DPYSL2: variants seen among roughly 807,000 people sequenced by gnomAD.
DPYSL2 encodes dihydropyrimidinase like 2.
Under a neutral mutation model 69.9 loss-of-function variants are expected in DPYSL2, and 13 were observed. The observed-to-expected ratio is 0.19, with a 90% CI of 0.12 to 0.30. DPYSL2 has a LOEUF of 0.30. DPYSL2 is among the 10% of genes least tolerant of loss of function. DPYSL2 has a pLI of 1.00. For missense variants in DPYSL2, 587 were observed against 918.9 expected (o/e 0.64, Z 4.67); for synonymous variants, 326 against 359.1 (o/e 0.91, Z 1.04).
chr8:26,573,504 TA>T lies in DPYSL2; in HGVS notation c.355-8459del, dbSNP rs529420013. On this transcript the variant is annotated intron_variant, in intron 1 of 13. Transcript: ENST00000521913. The stretch of plus-strand genomic sequence containing the variant: ...AAACACGGTGAAACCCTGTCTCTAC[TA>T]AAAAATACAAAAAATTAGCTGGGCG... Among the ~76,000 whole-genome samples, 18 of 151,670 alleles carry T rather than the reference TA, an allele frequency of 1.2e-4. No individual in the cohort carries two copies. The South Asian group carries it at 3.5e-3, about 30-fold the overall frequency.
At position 26,641,993 on chromosome 8, in the gene DPYSL2, G is replaced by A. The variant is rs188943064; in HGVS notation, c.1127-1446G>A. Among the ~76,000 whole-genome samples, 1 of 152,316 alleles carries A rather than the reference G, an allele frequency of 6.6e-6. No individual in the cohort carries two copies. Among genetic ancestry groups the A allele is most frequent in the Non-Finnish European group, 1.5e-5 (1 of 68,030 alleles). On this transcript the variant is annotated intron_variant, in intron 8 of 13. Transcript: ENST00000521913. The surrounding 1 kb of genome is among the most constrained non-coding windows in gnomAD (Gnocchi z 4.1). ...AGGAAAACACATTCCTGACTGTGGT[G>A]TGTTTGCCCTTGAGGGCCCTGTGTT...
intron 1 of DPYSL2, among the ~76,000 whole-genome samples, chr8:26,554,123 C>T (rs532494736): frequency 1.3e-4 from 20 of 152,066 alleles, no homozygotes; most frequent in Admixed American, 6.6e-4. Context: ...CTCCTGACCT[C>T]GTGATCCACC....
intron 3 of DPYSL2, 184 bp from the exon 4 acceptor site, chr8:26,623,959 C>T: frequency 1.6e-6 from 1 of 629,860 alleles, no homozygotes; most frequent in Non-Finnish European, 2.7e-6. Context: ...CAAGTTTCTG[C>T]TTTCTGCTTT....
At position 26,655,839 on chromosome 8, in the gene DPYSL2, C is replaced by T. The variant is rs992904077; in HGVS notation, c.*133C>T. ...CCTGTGATAGTTACTGTGGAGCAGC[C>T]AGTTCATGGGGTCCCCCTTGGGGCC... On this transcript the variant is annotated 3_prime_UTR_variant, in exon 14 of 14. Transcript: ENST00000521913. 19 of 897,444 alleles carry T rather than the reference C, an allele frequency of 2.1e-5. No homozygotes were observed. The highest frequency in any genetic ancestry group is 2.4e-5 in the Non-Finnish European group (15 of 635,158). 55.6% of individuals were successfully genotyped at this position (897,444 alleles called of 1,614,324 possible).
At chr8:26,515,542 G>A (rs1018603712) in intron 1 of DPYSL2, among the ~76,000 whole-genome samples, 6 of 152,178 alleles carry the variant, frequency 3.9e-5, no homozygotes, top group African/African-American at 1.4e-4. Context: ...GGGAAACAAA[G>A]GCCAATTTGG....
chr8:26,556,967 G>A (rs1453977040), intron 1 of DPYSL2, among the ~76,000 whole-genome samples: 1 of 152,124 alleles, frequency 6.6e-6, no homozygotes, highest in Non-Finnish European at 1.5e-5. Flanking sequence ...GGACAATTCA[G>A]TGTTGAAAAT....
Position 26,624,143 on chromosome 8 carries a change from T to C in DPYSL2, c.629T>C (p.Ile210Thr), listed in dbSNP as rs1483669075. Residue 210 changes from isoleucine to threonine, a missense_variant and splice_region_variant, in exon 4 of 14, where the codon ATT (isoleucine) becomes ACT (threonine). This residue lies in a region of DPYSL2 where 452 missense variants were observed against 754.3 expected (regional missense o/e 0.60). Transcript: ENST00000521913. The surrounding 1 kb of genome is among the most constrained non-coding windows in gnomAD (Gnocchi z 4.7). ...ATGACATATGTCTGTTTCTTTCTAG[T>C]TGACCACGTTGTTCCTGAGCCTGGG... ...AALAGGTTMI[I>T]DHVVPEPGTS... The C allele has an allele frequency of 1.2e-6, 2 of 1,614,064 alleles. No homozygotes were observed. The highest frequency in any genetic ancestry group is 1.3e-5 in the African/African-American group (1 of 74,924).
chr8:26,634,470 C>T (rs893207883), intron 7 of DPYSL2, among the ~76,000 whole-genome samples: 6 of 127,056 alleles, frequency 4.7e-5, no homozygotes, highest in African/African-American at 8.6e-5. Context: ...GTAGTAGATA[C>T]GGAGTTTCAC....
rs1801597059 is a variant in DPYSL2, at chr8:26,586,150, T to TTGA, written c.628+2167_628+2168insTGA. 6.6e-6 allele frequency among the ~76,000 whole-genome samples: 1 copy of TTGA among 152,164 alleles called. No individual in the cohort carries two copies. The highest frequency in any genetic ancestry group is 2.1e-4 in the South Asian group (1 of 4,834). On this transcript the variant is annotated intron_variant, in intron 3 of 13. Coordinates refer to ENST00000521913, the MANE Select transcript of DPYSL2 (RefSeq NM_001197293.3). The surrounding 1 kb of genome is among the most constrained non-coding windows in gnomAD (Gnocchi z 4.7). ...TCTCGAGTGAATGGTCAGTGTCATC[T>TTGA]ATCATTGGAGAGGGAAATGCCCCCA... is the stretch of plus-strand genomic sequence containing the variant.
At chr8:26,541,401 T>G (rs1459446659) in intron 1 of DPYSL2, among the ~76,000 whole-genome samples, 2 of 152,208 alleles carry the variant, frequency 1.3e-5, no homozygotes, top group Non-Finnish European at 1.5e-5. Context: ...CATTTACTTG[T>G]CATGTCTTTT....
intron 1 of DPYSL2, among the ~76,000 whole-genome samples, chr8:26,522,895 A>G (rs556723481): frequency 1.9e-4 from 29 of 152,070 alleles, no homozygotes; most frequent in Non-Finnish European, 3.8e-4. Context: ...TTGGTATTAT[A>G]CTATCCCCGG....
intron 7 of DPYSL2, among the ~76,000 whole-genome samples, chr8:26,632,671 T>G (rs1036846701): frequency 6.6e-6 from 1 of 152,156 alleles, no homozygotes; most frequent in Non-Finnish European, 1.5e-5. Context: ...AAACCCCGTG[T>G]TGGGACAATA....
intron 1 of DPYSL2, among the ~76,000 whole-genome samples, chr8:26,576,901 C>A (rs1314018156): frequency 6.6e-6 from 1 of 152,224 alleles, no homozygotes; most frequent in Non-Finnish European, 1.5e-5. Context: ...GCGCTGCAGG[C>A]ACCAGCGAAA....
rs1808312214 is a variant in DPYSL2, at chr8:26,517,543, A to G, written c.354+2864A>G. Reference sequence around the variant, plus strand: ...CTCTTGGAAGAGAGAGAAGAAAGGCATCTCTGTTGGCCCAATCCCCCCTTG... The same window carrying G: ...CTCTTGGAAGAGAGAGAAGAAAGGCGTCTCTGTTGGCCCAATCCCCCCTTG... On this transcript the variant is annotated intron_variant, in intron 1 of 13. Coordinates refer to ENST00000521913, the MANE Select transcript of DPYSL2 (RefSeq NM_001197293.3). The surrounding 1 kb of genome is among the most constrained non-coding windows in gnomAD (Gnocchi z 4.2). Among the ~76,000 whole-genome samples, 1 of 152,162 alleles carries G rather than the reference A, an allele frequency of 6.6e-6. No homozygotes were observed. The highest frequency in any genetic ancestry group is 1.5e-5 in the Non-Finnish European group (1 of 68,028).
At chr8:26,557,932 A>G (rs1166444186) in intron 1 of DPYSL2, among the ~76,000 whole-genome samples, 5 of 151,926 alleles carry the variant, frequency 3.3e-5, no homozygotes, top group Admixed American at 3.3e-4. Context: ...GTCGCTCTAC[A>G]TCCTAACACC....
chr8:26,537,725 A>G (rs536852202), intron 1 of DPYSL2, among the ~76,000 whole-genome samples: 104 of 152,210 alleles, frequency 6.8e-4, no homozygotes, highest in Non-Finnish European at 1.3e-3. Flanking sequence ...AAAAGACAAG[A>G]TTACTTTTCT....
intron 1 of DPYSL2, among the ~76,000 whole-genome samples, chr8:26,545,549 C>T (rs935817758): frequency 2.6e-5 from 4 of 152,110 alleles, no homozygotes; most frequent in Admixed American, 6.6e-5. Context: ...GCCTGGCTAA[C>T]GTGGTCTGGA....
In DPYSL2 at chr8:26,591,914, T is replaced by C. The variant is rs1801737298; in HGVS notation, c.628+7931T>C. ...GTCCTGGTGTAGCCTCCGTGTTGAG[T>C]TGTAGGGGAAAGGGTGTTTAGTAAG... On this transcript the variant is annotated intron_variant, in intron 3 of 13. Coordinates refer to ENST00000521913, the MANE Select transcript of DPYSL2 (RefSeq NM_001197293.3). This position sits in a 1 kb window ranked among gnomAD's most constrained non-coding sequence, Gnocchi z 5.8. 1.3e-5 allele frequency among the ~76,000 whole-genome samples: 2 copies of C among 151,884 alleles called. No individual in the cohort carries two copies. The highest frequency in any genetic ancestry group is 2.9e-5 in the Non-Finnish European group (2 of 67,996).
chr8:26,552,785 T>C (rs1011377259), intron 1 of DPYSL2, among the ~76,000 whole-genome samples: 31 of 152,348 alleles, frequency 2.0e-4, no homozygotes, highest in African/African-American at 7.5e-4. Context: ...AATCCATTCA[T>C]GAGTGCAGAG....
Sources: gnomAD v4.1 joint callset for allele counts (sites outside exome capture counted in the v4.1 genomes callset) on GRCh38, gnomAD v4.1.1 for gene constraint, gnomAD v4.1.1 regional missense constraint, Gnocchi (gnomAD v3.1) non-coding constraint, MANE v1.5 for transcripts, NCBI Gene and HGNC (gene_info 2026-07-23, HGNC 2026-07-21) for gene names.